Variants in OR2L13 observed in about 807,000 individuals in gnomAD.
The protein encoded by OR2L13 is olfactory receptor 2L13.
Under a neutral mutation model 15.3 loss-of-function variants are expected in OR2L13, and 14 were observed. The ratio of observed to expected loss-of-function variants is 0.91; its 90% CI spans 0.60 to 1.43. OR2L13 has a LOEUF of 1.43. Ranked by LOEUF, OR2L13 falls within the 40% of genes most tolerant of loss-of-function variation. The probability of loss-of-function intolerance (pLI) is 0.00; values close to 1 mark genes in which losing one functional copy is unlikely to be tolerated. For synonymous variants in OR2L13, 152 were observed against 142.9 expected (o/e 1.06, Z -0.45); for missense variants, 367 against 387.9 (o/e 0.95, Z 0.45).
At chr1:248,031,106 G>A in the OR2L13 span, among the ~76,000 whole-genome samples, 3 of 152,118 alleles carry the variant, frequency 2.0e-5, no homozygotes, top group Admixed American at 2.0e-4. Flanking sequence ...CAGAACCCAC[G>A]TGGATTTATT....
chr1:248,030,723 A>T, the OR2L13 span, among the ~76,000 whole-genome samples: 1 of 152,016 alleles, frequency 6.6e-6, no homozygotes, highest in Non-Finnish European at 1.5e-5. Flanking sequence ...TCTGAATCTC[A>T]ATTTTTGTCA....
chr1:248,095,221 GT>G (rs1664688887), upstream of OR2L13: 1 of 152,226 alleles, frequency 6.6e-6, no homozygotes, highest in East Asian at 1.9e-4. Context: ...AGACTTCAGT[GT>G]AAAATGCCTT....
chr1:248,028,299 C>G, the OR2L13 span, among the ~76,000 whole-genome samples: 1 of 152,050 alleles, frequency 6.6e-6, no homozygotes, highest in African/African-American at 2.4e-5. Flanking sequence ...TGCTACCACT[C>G]CATGGGCAAT....
the OR2L13 span, among the ~76,000 whole-genome samples, chr1:247,943,560 T>C: frequency 6.4e-4 from 97 of 152,280 alleles, no homozygotes; most frequent in Admixed American, 2.1e-3. Context: ...TAATTTGATG[T>C]TTTTTGACTT....
the OR2L13 span, among the ~76,000 whole-genome samples, chr1:248,078,445 C>A: frequency 1.1e-4 from 16 of 151,808 alleles, no homozygotes; most frequent in Non-Finnish European, 2.9e-5. Flanking sequence ...TGTATTCCAG[C>A]CTGGCAACAG....
the OR2L13 span, among the ~76,000 whole-genome samples, chr1:247,978,343 G>A: frequency 1.3e-5 from 2 of 152,154 alleles, no homozygotes; most frequent in African/African-American, 2.4e-5. Context: ...GAACCCGTGG[G>A]CGTGTAACAA....
the OR2L13 span, among the ~76,000 whole-genome samples, chr1:247,976,786 C>A: frequency 2.0e-5 from 3 of 152,182 alleles, no homozygotes; most frequent in African/African-American, 7.2e-5. Context: ...CACACTGTAC[C>A]TGGAACTTTA....
chr1:248,072,463 T>A, the OR2L13 span, among the ~76,000 whole-genome samples: 1 of 152,114 alleles, frequency 6.6e-6, no homozygotes, highest in South Asian at 2.1e-4. Flanking sequence ...TTACACCTTA[T>A]ACAAAAATTA....
At chr1:248,071,042 G>C in the OR2L13 span, among the ~76,000 whole-genome samples, 5 of 152,164 alleles carry the variant, frequency 3.3e-5, no homozygotes, top group East Asian at 9.7e-4. Context: ...AATTCTACCA[G>C]AGGTACAAGG....
chr1:248,016,862 T>C, the OR2L13 span, among the ~76,000 whole-genome samples: 1 of 152,136 alleles, frequency 6.6e-6, no homozygotes, highest in Non-Finnish European at 1.5e-5. Flanking sequence ...TTACAACCCC[T>C]GAATCTCAAT....
At chr1:247,966,419 C>T in the OR2L13 span, 2 of 1,341,144 alleles carry the variant, frequency 1.5e-6, no homozygotes, top group South Asian at 2.9e-5. Flanking sequence ...ATAGAAGTCA[C>T]AAAAACAGTG....
the OR2L13 span, chr1:248,038,443 A>G: frequency 6.2e-7 from 1 of 1,613,800 alleles, no homozygotes; most frequent in South Asian, 1.1e-5. Context: ...ACACCTATGT[A>G]TTTCCTACTT....
At chr1:247,951,764 G>A in the OR2L13 span, among the ~76,000 whole-genome samples, 1 of 152,188 alleles carries the variant, frequency 6.6e-6, no homozygotes, top group Non-Finnish European at 1.5e-5. Flanking sequence ...ACAGGCGTGG[G>A]CTCTGGGACA....
chr1:248,088,478 T>G, the OR2L13 span, among the ~76,000 whole-genome samples: 1 of 152,206 alleles, frequency 6.6e-6, no homozygotes. Context: ...GCTTACTTTG[T>G]AGCATTATAG....
At chr1:248,100,340 A>G in exon 3 of OR2L13, 1 of 1,380,278 alleles carries the variant, frequency 7.2e-7, no homozygotes, top group Non-Finnish European at 1.0e-6. Flanking sequence ...CTCCCTTTGT[A>G]TTTCCTCTTT....
chr1:248,004,081 G>T, the OR2L13 span: 2,304 of 1,589,256 alleles, frequency 1.4e-3, 22 homozygotes, highest in African/African-American at 0.027. Flanking sequence ...AACACTTTCT[G>T]CCTAAGGTTT....
At chr1:247,986,526 A>T in the OR2L13 span, among the ~76,000 whole-genome samples, 1 of 152,124 alleles carries the variant, frequency 6.6e-6, no homozygotes, top group Non-Finnish European at 1.5e-5. Flanking sequence ...CTTGTAGTAT[A>T]GTTTGAAGTC....
chr1:247,948,179 C>T, the OR2L13 span, among the ~76,000 whole-genome samples: 1 of 151,790 alleles, frequency 6.6e-6, no homozygotes, highest in African/African-American at 2.4e-5. Flanking sequence ...TGCCACTGCA[C>T]TCCAGCCTGG....
chr1:247,976,244 G>C, the OR2L13 span, among the ~76,000 whole-genome samples: 3 of 152,242 alleles, frequency 2.0e-5, no homozygotes, highest in East Asian at 5.8e-4. Flanking sequence ...CCATTCCCCA[G>C]TCACATCACA....
Sources: gnomAD v4.1 joint callset for allele counts (sites outside exome capture counted in the v4.1 genomes callset) on GRCh38, gnomAD v4.1.1 for gene constraint, MANE v1.5 for transcripts, NCBI Gene and HGNC (gene_info 2026-07-23, HGNC 2026-07-21) for gene names.